Variants in MAP3K5 observed in about 807,000 individuals in gnomAD.
The protein encoded by MAP3K5 is ASK-1.
In MAP3K5, 56 loss-of-function variants were observed where a neutral mutation model predicts 158.7. That is an observed-to-expected ratio of 0.35 (90% confidence interval 0.28 to 0.44). The LOEUF (loss-of-function observed/expected upper bound fraction) is 0.44. Ranked by LOEUF, MAP3K5 falls within the 20% of genes least tolerant of loss-of-function variation. MAP3K5 has a pLI of 1.00. For synonymous variants in MAP3K5, 579 were observed against 601.7 expected (o/e 0.96, Z 0.55); for missense variants, 1,294 against 1,674.8 (o/e 0.77, Z 3.97).
chr6:136,627,223 T>C (rs1298442682), intron 14 of MAP3K5, among the ~76,000 whole-genome samples: 1 of 152,192 alleles, frequency 6.6e-6, no homozygotes, highest in East Asian at 1.9e-4. Context: ...CTCCTTATTC[T>C]CACCGGAGTT....
chr6:136,705,011 T>C (rs561297249), intron 3 of MAP3K5, 99 bp downstream of exon 3: 3 of 599,048 alleles, frequency 5.0e-6, no homozygotes, highest in South Asian at 4.1e-5. Flanking sequence ...AAAATAGAGA[T>C]ATAAATTAAT....
At chr6:136,703,582 G>A (rs189399457) in intron 3 of MAP3K5, among the ~76,000 whole-genome samples, 50 of 151,680 alleles carry the variant, frequency 3.3e-4, no homozygotes, top group Middle Eastern at 3.4e-3. Flanking sequence ...TTAAAAAAAC[G>A]TGTGAGATAA....
intron 28 of MAP3K5, 44 bp downstream of exon 28, chr6:136,561,489 A>G (rs756786457): frequency 1.4e-6 from 2 of 1,421,308 alleles, no homozygotes; most frequent in African/African-American, 1.4e-5. Flanking sequence ...CAACATTATG[A>G]AACGAAGTGA....
At position 136,718,478 on chromosome 6, in the gene MAP3K5, C is replaced by T. The variant is rs77555235; in HGVS notation, c.588+1972G>A. ...CAGCTCCGCAAAGTGCTGGGATTACCACACCCAGCCTCTCCTTTAAGAATT... is the reference window on the plus strand; with the variant it reads ...CAGCTCCGCAAAGTGCTGGGATTACTACACCCAGCCTCTCCTTTAAGAATT... On this transcript the variant is annotated intron_variant, in intron 2 of 29. Transcript: ENST00000359015. Among the ~76,000 whole-genome samples the T allele has an allele frequency of 9.1e-3, 1,378 of 152,200 alleles. 21 individuals are homozygous for T. Among genetic ancestry groups the T allele is most frequent in the African/African-American group, 0.031 (1,297 of 41,522 alleles).
intron 2 of MAP3K5, among the ~76,000 whole-genome samples, chr6:136,717,607 C>A (rs1781580167): frequency 6.6e-6 from 1 of 152,144 alleles, no homozygotes; most frequent in Non-Finnish European, 1.5e-5. Flanking sequence ...TTTTAAATAT[C>A]TCTTGTTCTG....
At chr6:136,667,131 C>T (rs73558216) in intron 8 of MAP3K5, among the ~76,000 whole-genome samples, 2 of 152,048 alleles carry the variant, frequency 1.3e-5, no homozygotes, top group Non-Finnish European at 2.9e-5. Context: ...TCAATTCCTG[C>T]AACAATTTAG....
chr6:136,658,287 TTTTTCTTTTCTTTC>T lies in MAP3K5; in HGVS notation c.1526+918_1526+931del, dbSNP rs368904256. 2.1e-4 allele frequency among the ~76,000 whole-genome samples: 32 copies of T among 150,004 alleles called. 1 individual carries two copies. The highest frequency in any genetic ancestry group is 3.4e-3 in the Middle Eastern group (1 of 292). On this transcript the variant is annotated intron_variant, in intron 9 of 29. Transcript: ENST00000359015. ...GTGATGCTAATAAAAATTCTTTTTC[TTTTTCTTTTCTTTC>T]TTTCTTTCTTTCTTTTTTTTTTTTT... is the stretch of plus-strand genomic sequence containing the variant.
chr6:136,660,097 T>A (rs990116297), intron 8 of MAP3K5, among the ~76,000 whole-genome samples: 2 of 152,236 alleles, frequency 1.3e-5, no homozygotes, highest in Non-Finnish European at 2.9e-5. Context: ...CTTTGTCTTT[T>A]TACAACATGG....
chr6:136,626,022 G>A (rs1429354051), intron 14 of MAP3K5, among the ~76,000 whole-genome samples: 4 of 152,022 alleles, frequency 2.6e-5, no homozygotes, highest in African/African-American at 9.7e-5. Flanking sequence ...TATGACATAG[G>A]GAAACTACAA....
At chr6:136,563,429 G>A (rs143294879) in intron 26 of MAP3K5, among the ~76,000 whole-genome samples, 173 of 152,232 alleles carry the variant, frequency 1.1e-3, no homozygotes, top group Non-Finnish European at 1.9e-3. Flanking sequence ...AGGTGAGGTC[G>A]CCTAGAATAT....
In MAP3K5 at chr6:136,735,129, G is replaced by GA. The variant is rs1782400290; in HGVS notation, c.449-14541dup. ...TCATGCTTGAGGTTGTTCTGATTAA[G>GA]AGGAGGTATTTCTCACTCTGGCTAG... On this transcript the variant is annotated intron_variant, in intron 1 of 29. Transcript: ENST00000359015. Among the ~76,000 whole-genome samples the GA allele has an allele frequency of 2.6e-5, 4 of 152,224 alleles. No individual in the cohort carries two copies. In the South Asian group the frequency reaches 8.3e-4, roughly 32 times the overall value.
At chr6:136,647,486 T>C (rs932749457) in intron 11 of MAP3K5, among the ~76,000 whole-genome samples, 2 of 152,180 alleles carry the variant, frequency 1.3e-5, no homozygotes, top group African/African-American at 4.8e-5. Flanking sequence ...CTGTTCTGCC[T>C]TCCTGCCAGC....
At chr6:136,793,032 C>G (rs1386886780), upstream of MAP3K5, among the ~76,000 whole-genome samples, 3 of 152,164 alleles carry the variant, frequency 2.0e-5, no homozygotes, top group African/African-American at 7.2e-5. Context: ...CCCCCACCTA[C>G]GAAGACCTGG....
intron 11 of MAP3K5, among the ~76,000 whole-genome samples, chr6:136,649,177 C>T (rs778660713): frequency 2.0e-5 from 3 of 152,050 alleles, no homozygotes; most frequent in Non-Finnish European, 2.9e-5. Context: ...ACCATGTTGG[C>T]CAGGCTGATC....
chr6:136,594,633 G>C (rs1255419884), intron 21 of MAP3K5, among the ~76,000 whole-genome samples: 2 of 152,196 alleles, frequency 1.3e-5, no homozygotes, highest in African/African-American at 4.8e-5. Context: ...CAGACTTGGT[G>C]AGTTTCTTCA....
At chr6:136,698,821 G>A (rs576523543) in intron 3 of MAP3K5, 139 bp from the exon 4 acceptor site, 14 of 593,226 alleles carry the variant, frequency 2.4e-5, no homozygotes, top group South Asian at 1.6e-4. Flanking sequence ...TATGACCTAC[G>A]ACAATGAAAA....
intron 2 of MAP3K5, among the ~76,000 whole-genome samples, chr6:136,707,962 G>GT (rs1781150061): frequency 6.6e-6 from 1 of 152,118 alleles, no homozygotes; most frequent in Non-Finnish European, 1.5e-5. Context: ...ATAGAGAACA[G>GT]TTTTTTATCC....
intron 1 of MAP3K5, among the ~76,000 whole-genome samples, chr6:136,730,947 T>C (rs192693732): frequency 1.3e-5 from 2 of 152,158 alleles, no homozygotes; most frequent in Non-Finnish European, 2.9e-5. Context: ...TTAAAAAGCA[T>C]GCTATGTAGA....
intron 1 of MAP3K5, among the ~76,000 whole-genome samples, chr6:136,739,163 A>C (rs1193242765): frequency 6.6e-6 from 1 of 152,116 alleles, no homozygotes; most frequent in Non-Finnish European, 1.5e-5. Context: ...TCTGAAGGAG[A>C]TATAGAAATA....
Sources: gnomAD v4.1 joint callset for allele counts (sites outside exome capture counted in the v4.1 genomes callset) on GRCh38, gnomAD v4.1.1 for gene constraint, MANE v1.5 for transcripts, NCBI Gene and HGNC (gene_info 2026-07-23, HGNC 2026-07-21) for gene names.